BAZ2B: variants seen among roughly 807,000 people sequenced by gnomAD.
The protein encoded by BAZ2B is bromodomain adjacent to zinc finger domain protein 2B.
BAZ2B carries 91 observed loss-of-function variants against 246.0 expected under a neutral mutation model. The ratio of observed to expected loss-of-function variants is 0.37; its 90% CI spans 0.31 to 0.44. The LOEUF (loss-of-function observed/expected upper bound fraction) is 0.44, where lower values mean the gene tolerates loss of function less well. Among genes scored for constraint, BAZ2B ranks in the 20% least tolerant of loss-of-function variants. BAZ2B has a pLI of 1.00. For synonymous variants in BAZ2B, 855 were observed against 860.0 expected, an observed-to-expected ratio of 0.99 and a Z score of 0.10; for missense variants, 2,332 against 2,533.7, an observed-to-expected ratio of 0.92 and a Z score of 1.71.
chr2:159,651,259 T>C, the BAZ2B span, among the ~76,000 whole-genome samples: 5 of 152,330 alleles, frequency 3.3e-5, no homozygotes, highest in African/African-American at 9.6e-5. Flanking sequence ...GAGATGGCTA[T>C]AGAGCCTTCT....
rs751397348 is a variant in BAZ2B, at chr2:159,349,868, C to G, written c.4703G>C (p.Cys1568Ser). 1 of 1,614,170 alleles carries G rather than the reference C, an allele frequency of 6.2e-7. No homozygotes were observed. The highest frequency in any genetic ancestry group is 1.1e-5 in the South Asian group (1 of 91,084). The change falls in exon 28 of 37, where the codon TGT becomes TCT. Residue 1568 changes from cysteine to serine, a missense_variant. Cys to Ser is a moderately radical substitution (Grantham distance 112, BLOSUM62 -1). This residue lies in a region of BAZ2B where 676 missense variants were observed against 668.6 expected (regional missense o/e 1.01). Coordinates refer to ENST00000392783, the MANE Select transcript of BAZ2B (RefSeq NM_013450.4). ...GGCATGAGTAAGTGAAGTGTCATCA[C>G]AGGGTGTTCGTGGCAAAAGACTAAA... The part of the protein sequence containing the change: ...QWFSLLPRTP[C>S]DDTSLTHADM...
chr2:159,346,821 G>C (rs973684623), intron 31 of BAZ2B, among the ~76,000 whole-genome samples: 8 of 152,088 alleles, frequency 5.3e-5, no homozygotes, highest in African/African-American at 1.9e-4. Flanking sequence ...CAAGGGTAAA[G>C]CTTTCCTTTT....
intron 23 of BAZ2B, 40 bp from the exon 24 acceptor site, chr2:159,383,720 A>C: frequency 6.6e-7 from 1 of 1,504,342 alleles, no homozygotes; most frequent in Non-Finnish European, 9.2e-7. Flanking sequence ...TAAATTAATC[A>C]ATTTATGCAA....
the BAZ2B span, among the ~76,000 whole-genome samples, chr2:159,679,145 G>A: frequency 3.6e-4 from 55 of 151,986 alleles, no homozygotes; most frequent in Non-Finnish European, 6.9e-4. Flanking sequence ...GGTGGCGGGC[G>A]CCTGTAGTCC....
At chr2:159,604,445 G>C (rs537651359) in intron 1 of BAZ2B, among the ~76,000 whole-genome samples, 26 of 152,088 alleles carry the variant, frequency 1.7e-4, no homozygotes, top group African/African-American at 6.3e-4. Flanking sequence ...CATATTTGTA[G>C]AGTACAATAT....
intron 14 of BAZ2B, among the ~76,000 whole-genome samples, chr2:159,409,886 T>C (rs932870776): frequency 6.6e-5 from 10 of 152,174 alleles, no homozygotes; most frequent in African/African-American, 2.4e-4. Context: ...ATCCAATGTA[T>C]TATAACAAGG....
chr2:159,439,331 G>T, intron 6 of BAZ2B, 119 bp from the exon 7 acceptor site: 1 of 912,444 alleles, frequency 1.1e-6, no homozygotes. Flanking sequence ...GTCATTGTAG[G>T]AAAAAGTCAC....
At chr2:159,464,578 A>G (rs904146608) in intron 3 of BAZ2B, 1 of 152,180 alleles carries the variant, frequency 6.6e-6, no homozygotes, top group Non-Finnish European at 1.5e-5. Flanking sequence ...TTTCTCTTCA[A>G]AAGGCATTTT....
rs73006771 is a variant in BAZ2B, at chr2:159,364,174, C to T, written c.4213+8871G>A. 9.3e-3 allele frequency among the ~76,000 whole-genome samples: 1,411 copies of T among 152,264 alleles called. 26 individuals carry two copies. Among genetic ancestry groups the T allele is most frequent in the African/African-American group, 0.032 (1,319 of 41,534 alleles). On this transcript the variant is annotated intron_variant, in intron 27 of 36. Transcript: ENST00000392783. ...ATGATTATGCTGGAAAAGAGAAGAG[C>T]CTCCAATATTTACGGGTTTGCTAGA...
At chr2:159,535,225 A>G (rs1280503932) in intron 2 of BAZ2B, among the ~76,000 whole-genome samples, 2 of 143,396 alleles carry the variant, frequency 1.4e-5, no homozygotes, top group African/African-American at 6.0e-5. Context: ...CTTCTTGCTT[A>G]TGAAAAATAC....
At chr2:159,324,201 C>T (rs1317929751) in intron 36 of BAZ2B, among the ~76,000 whole-genome samples, 1 of 152,044 alleles carries the variant, frequency 6.6e-6, no homozygotes, top group Non-Finnish European at 1.5e-5. Context: ...TCAGGAAAGC[C>T]TCCCAAAGTA....
At chr2:159,451,380 G>A (rs1210748027) in intron 4 of BAZ2B, among the ~76,000 whole-genome samples, 1 of 152,094 alleles carries the variant, frequency 6.6e-6, no homozygotes, top group Non-Finnish European at 1.5e-5. Context: ...ATATCTTCCT[G>A]TTGTGTCCTC....
chr2:159,552,743 T>G (rs558170147), intron 2 of BAZ2B, among the ~76,000 whole-genome samples: 1 of 152,332 alleles, frequency 6.6e-6, no homozygotes, highest in South Asian at 2.1e-4. Context: ...TGGTTTATTA[T>G]GATTGCCAAC....
intron 2 of BAZ2B, among the ~76,000 whole-genome samples, chr2:159,529,949 C>A (rs2085200193): frequency 6.6e-6 from 1 of 152,016 alleles, no homozygotes; most frequent in Non-Finnish European, 1.5e-5. Context: ...TGTCCACATT[C>A]AATATGAAAG....
intron 9 of BAZ2B, among the ~76,000 whole-genome samples, chr2:159,432,098 G>A (rs1056158150): frequency 1.4e-4 from 21 of 152,216 alleles, no homozygotes; most frequent in African/African-American, 4.6e-4. Flanking sequence ...AAAAAAATTA[G>A]TTGAATCTGT....
At chr2:159,320,687 C>T (rs1445138259) in intron 36 of BAZ2B, among the ~76,000 whole-genome samples, 1 of 152,170 alleles carries the variant, frequency 6.6e-6, no homozygotes, top group African/African-American at 2.4e-5. Context: ...TTCCCCATAA[C>T]CCAACTCCTG....
the BAZ2B span, among the ~76,000 whole-genome samples, chr2:159,649,425 C>T: frequency 2.0e-5 from 3 of 152,122 alleles, no homozygotes; most frequent in Non-Finnish European, 4.4e-5. Flanking sequence ...TACCACTGAT[C>T]TGACAGGAGG....
intron 2 of BAZ2B, among the ~76,000 whole-genome samples, chr2:159,554,086 C>T (rs936093137): frequency 3.9e-5 from 6 of 152,268 alleles, no homozygotes; most frequent in East Asian, 1.9e-4. Context: ...ATATCAGTCA[C>T]TTATGAACCT....
intron 2 of BAZ2B, among the ~76,000 whole-genome samples, chr2:159,547,497 T>C (rs1398772981): frequency 6.6e-6 from 1 of 152,186 alleles, no homozygotes; most frequent in African/African-American, 2.4e-5. Flanking sequence ...CATTTTCTCA[T>C]CTCTAGTTTC....
Sources: gnomAD v4.1 joint callset for allele counts (sites outside exome capture counted in the v4.1 genomes callset) on GRCh38, gnomAD v4.1.1 for gene constraint, gnomAD v4.1.1 regional missense constraint, MANE v1.5 for transcripts, NCBI Gene and HGNC (gene_info 2026-07-23, HGNC 2026-07-21) for gene names.